The following CNTNAP5 variants were observed in gnomAD, a reference collection of about 807,000 sequenced individuals.
CNTNAP5 encodes contactin-associated protein-like 5.
CNTNAP5 carries 72 observed loss-of-function variants against 150.2 expected under a neutral mutation model. The observed-to-expected ratio is 0.48, with a 90% CI of 0.40 to 0.58. CNTNAP5 has a LOEUF of 0.58. Ranked by LOEUF, CNTNAP5 falls within the 20% of genes least tolerant of loss-of-function variation. The pLI is 0.00. For missense variants in CNTNAP5, 1,636 were observed against 1,626.2 expected (o/e 1.01, Z -0.10); for synonymous variants, 672 against 619.8 (o/e 1.08, Z -1.25).
chr2:124,420,240 C>T (rs189444083), intron 4 of CNTNAP5, among the ~76,000 whole-genome samples: 6 of 151,952 alleles, frequency 3.9e-5, no homozygotes, highest in African/African-American at 7.2e-5. Context: ...ACACCCAGCT[C>T]GGCCTCCCAA....
intron 1 of CNTNAP5, among the ~76,000 whole-genome samples, chr2:124,095,587 G>A (rs888476494): frequency 6.6e-6 from 1 of 152,188 alleles, no homozygotes; most frequent in Non-Finnish European, 1.5e-5. Flanking sequence ...AAGGCTGGAA[G>A]CTAACCCTAC....
At chr2:124,047,824 T>G (rs993860668) in intron 1 of CNTNAP5, among the ~76,000 whole-genome samples, 1 of 152,276 alleles carries the variant, frequency 6.6e-6, no homozygotes, top group South Asian at 2.1e-4. Context: ...TAGACAGTGT[T>G]CAATAGTGGT....
At chr2:124,297,814 TTATTATTATTATTATTATTA>T (rs1688476446) in intron 3 of CNTNAP5, among the ~76,000 whole-genome samples, 1 of 15,422 alleles carries the variant, frequency 6.5e-5, no homozygotes, top group Admixed American at 2.1e-4. Context: ...CAATTATTTA[TTATTATTATTATTATTATTA>T]TTATTATTAT....
chr2:124,533,417 TGCTGCTACTGGGCTGGCCTGGTGGCC>T (rs1695157756), intron 10 of CNTNAP5, among the ~76,000 whole-genome samples: 1 of 152,204 alleles, frequency 6.6e-6, no homozygotes, highest in Non-Finnish European at 1.5e-5. Context: ...TGTGTGATGC[TGCTGCTACTGGGCTGGCCTGGTGGCC>T]GTACTCTGAG....
chr2:124,468,894 G>T (rs1693441862), intron 6 of CNTNAP5, among the ~76,000 whole-genome samples: 1 of 152,190 alleles, frequency 6.6e-6, no homozygotes, highest in Non-Finnish European at 1.5e-5. Flanking sequence ...CTCTTCCTCA[G>T]CCTTTGCTAA....
chr2:124,897,892 A>G (rs752149258), intron 21 of CNTNAP5, among the ~76,000 whole-genome samples: 2 of 150,900 alleles, frequency 1.3e-5, no homozygotes, highest in Non-Finnish European at 2.9e-5. Context: ...AGGACATACA[A>G]ATGAGCATAC....
chr2:124,314,389 C>G (rs548347046), intron 3 of CNTNAP5, among the ~76,000 whole-genome samples: 1 of 152,106 alleles, frequency 6.6e-6, no homozygotes, highest in African/African-American at 2.4e-5. Flanking sequence ...TTTGAATCTC[C>G]GTAGTGGGCC....
intron 18 of CNTNAP5, among the ~76,000 whole-genome samples, chr2:124,796,516 G>C (rs1484710200): frequency 6.6e-6 from 1 of 152,176 alleles, no homozygotes; most frequent in Non-Finnish European, 1.5e-5. Flanking sequence ...GTTGTAACCT[G>C]CATGATAAAT....
chr2:124,038,961 G>T (rs192535901), intron 1 of CNTNAP5, among the ~76,000 whole-genome samples: 1 of 152,168 alleles, frequency 6.6e-6, no homozygotes, highest in Non-Finnish European at 1.5e-5. Context: ...TCCGGGAGCT[G>T]ATGTCCAGGC....
chr2:124,133,010 G>A (rs1384990948), intron 1 of CNTNAP5, among the ~76,000 whole-genome samples: 1 of 152,042 alleles, frequency 6.6e-6, no homozygotes, highest in Non-Finnish European at 1.5e-5. Flanking sequence ...AATAATAATA[G>A]GAATAATAAT....
At chr2:124,619,751 T>G (rs915593943) in intron 12 of CNTNAP5, among the ~76,000 whole-genome samples, 1 of 150,934 alleles carries the variant, frequency 6.6e-6, no homozygotes, top group African/African-American at 2.5e-5. Context: ...CTGGGTCTCT[T>G]GTCTGCCAGC....
chr2:124,102,312 C>T (rs1464162757), intron 1 of CNTNAP5, among the ~76,000 whole-genome samples: 2 of 152,136 alleles, frequency 1.3e-5, no homozygotes, highest in Admixed American at 1.3e-4. Flanking sequence ...AAGGAAGAAA[C>T]TCCAGCTAAA....
At chr2:124,540,074 G>T (rs1221206567) in intron 10 of CNTNAP5, among the ~76,000 whole-genome samples, 1 of 152,142 alleles carries the variant, frequency 6.6e-6, no homozygotes, top group African/African-American at 2.4e-5. Flanking sequence ...GATTAAGTTG[G>T]ATTTTATGTC....
chr2:124,507,147 C>T lies in CNTNAP5; in HGVS notation c.1327+2591C>T, dbSNP rs368700714. On this transcript the variant is annotated intron_variant, in intron 8 of 23. Transcript: ENST00000682447. ...ACCTTGAGATTATAGAAAGAACTGGCGTTTAGAGCATGGCCAAAATCACGT... is the reference window on the plus strand; with the variant it reads ...ACCTTGAGATTATAGAAAGAACTGGTGTTTAGAGCATGGCCAAAATCACGT... Among the ~76,000 whole-genome samples, 35 of 152,104 alleles carry T rather than the reference C, an allele frequency of 2.3e-4. 2 individuals are homozygous for T. Among genetic ancestry groups the T allele is most frequent in the African/African-American group, 7.2e-4 (30 of 41,490 alleles).
chr2:124,148,498 G>C (rs1472838286), intron 1 of CNTNAP5, among the ~76,000 whole-genome samples: 1 of 145,246 alleles, frequency 6.9e-6, no homozygotes, highest in Admixed American at 7.0e-5. Context: ...TCTATGGAGA[G>C]AGAGGTATAT....
intron 7 of CNTNAP5, among the ~76,000 whole-genome samples, chr2:124,482,736 C>G (rs988025631): frequency 6.6e-6 from 1 of 152,096 alleles, no homozygotes; most frequent in Non-Finnish European, 1.5e-5. Context: ...CCCACTGCTC[C>G]CTGGCTCCCA....
chr2:124,567,735 A>T (rs891676819), intron 11 of CNTNAP5, among the ~76,000 whole-genome samples: 1 of 152,182 alleles, frequency 6.6e-6, no homozygotes, highest in African/African-American at 2.4e-5. Context: ...CTAAGTACTC[A>T]GGGTATATTT....
chr2:124,427,568 T>A (rs1358504565), intron 4 of CNTNAP5, among the ~76,000 whole-genome samples: 2 of 152,062 alleles, frequency 1.3e-5, no homozygotes, highest in East Asian at 3.9e-4. Flanking sequence ...GCAATTCTCC[T>A]GCCTCAGCCT....
At chr2:124,634,535 G>A (rs191893076) in intron 12 of CNTNAP5, among the ~76,000 whole-genome samples, 1 of 152,092 alleles carries the variant, frequency 6.6e-6, no homozygotes, top group Non-Finnish European at 1.5e-5. Context: ...ATGAGGCACG[G>A]TATCACTTTG....
Sources: allele counts gnomAD v4.1 joint callset (sites outside exome capture counted in the v4.1 genomes callset), GRCh38; gene constraint gnomAD v4.1.1; transcripts MANE v1.5; gene names NCBI Gene and HGNC (gene_info 2026-07-23, HGNC 2026-07-21).